The following RNF115 variants were observed in gnomAD, a reference collection of about 807,000 sequenced individuals.
The protein encoded by RNF115 is E3 ubiquitin-protein ligase RNF115.
A neutral mutation model predicts 39.2 loss-of-function variants in RNF115; 31 were observed. That is an observed-to-expected ratio of 0.79 (90% confidence interval 0.59 to 1.07). The LOEUF is 1.07. Among genes scored for constraint, RNF115 ranks in the 50% least tolerant of loss-of-function variants. The pLI is 0.00. For missense variants in RNF115, 384 were observed against 381.7 expected, an observed-to-expected ratio of 1.01 and a Z score of -0.05; for synonymous variants, 124 against 131.0, an observed-to-expected ratio of 0.95 and a Z score of 0.37.
chr1:145,801,791 CT>C (rs753923200), intron 1 of RNF115, among the ~76,000 whole-genome samples: 2 of 151,086 alleles, frequency 1.3e-5, no homozygotes, highest in Non-Finnish European at 3.0e-5. Context: ...TCATTTCTCT[CT>C]TTTTTTTTAA....
At chr1:145,751,937 T>C (rs1658103816) in intron 5 of RNF115, among the ~76,000 whole-genome samples, 1 of 152,120 alleles carries the variant, frequency 6.6e-6, no homozygotes. Context: ...TTCTGGACAA[T>C]GAGGAGCTTT....
intron 1 of RNF115, among the ~76,000 whole-genome samples, chr1:145,800,891 C>T (rs868939692): frequency 6.6e-5 from 10 of 152,110 alleles, no homozygotes; most frequent in South Asian, 4.1e-4. Flanking sequence ...AGCTTTAGGA[C>T]GGGCGCAGTG....
intron 4 of RNF115, among the ~76,000 whole-genome samples, chr1:145,763,475 A>T (rs1658611417): frequency 6.6e-6 from 1 of 152,250 alleles, no homozygotes; most frequent in Non-Finnish European, 1.5e-5. Flanking sequence ...AAGCAGGCAG[A>T]TCACTTGAGA....
intron 4 of RNF115, among the ~76,000 whole-genome samples, chr1:145,762,913 G>A (rs1658588899): frequency 6.6e-6 from 1 of 152,074 alleles, no homozygotes; most frequent in African/African-American, 2.4e-5. Context: ...ACAGAAAACA[G>A]AAATACCACA....
rs1648432561 is a variant in RNF115, at chr1:145,787,397, C to A, written c.161+1511G>T. On this transcript the variant is annotated intron_variant, in intron 2 of 8. Coordinates refer to ENST00000582693, the MANE Select transcript of RNF115 (RefSeq NM_014455.4). ...GACCAGCCTGGCAAACACGGTGAAACCCCATCTCTACTAAGAATACAAAAA... is the reference window on the plus strand; with the variant it reads ...GACCAGCCTGGCAAACACGGTGAAAACCCATCTCTACTAAGAATACAAAAA... Among the ~76,000 whole-genome samples the A allele has an allele frequency of 2.0e-5, 3 of 151,644 alleles. No individual in the cohort carries two copies. In the South Asian group the frequency reaches 6.2e-4, roughly 32 times the overall value.
intron 1 of RNF115, among the ~76,000 whole-genome samples, chr1:145,796,784 C>T: frequency 6.6e-6 from 1 of 152,298 alleles, no homozygotes; most frequent in Middle Eastern, 3.4e-3. Flanking sequence ...AAAACTGAAA[C>T]TCTATACCCA....
In RNF115 at chr1:145,742,849, T is replaced by C. The variant is rs1158975470; in HGVS notation, c.*4017A>G. On this transcript the variant is annotated 3_prime_UTR_variant, in exon 9 of 9. Transcript: ENST00000582693. ...ACTTGAGAACCAATTCCTGGACCAA[T>C]TCCTGCTCAAAGAAAACATTTAAGA... 2 of 152,180 alleles carry C rather than the reference T, an allele frequency of 1.3e-5. No homozygotes were observed. Among genetic ancestry groups the C allele is most frequent in the African/African-American group, 4.8e-5 (2 of 41,444 alleles). The allele number at this position is 152,180 out of a possible 1,614,324, so 9.4% of individuals were successfully genotyped here.
intron 2 of RNF115, among the ~76,000 whole-genome samples, chr1:145,784,865 C>G (rs1343988372): frequency 2.0e-5 from 3 of 152,136 alleles, no homozygotes; most frequent in Non-Finnish European, 4.4e-5. Context: ...GACCCACAGG[C>G]AGCAATGCAA....
At chr1:145,773,619 G>A (rs1456659577) in intron 3 of RNF115, 2 of 152,132 alleles carry the variant, frequency 1.3e-5, no homozygotes, top group African/African-American at 4.8e-5. Context: ...ACAAGCCAGA[G>A]GTGAAAGCTA....
intron 1 of RNF115, among the ~76,000 whole-genome samples, chr1:145,791,782 C>T (rs1414290916): frequency 1.3e-5 from 2 of 152,176 alleles, no homozygotes; most frequent in East Asian, 1.9e-4. Flanking sequence ...ACTTTAGAGA[C>T]TGCCTTATAA....
At chr1:145,764,127 G>T (rs1658647226) in intron 4 of RNF115, among the ~76,000 whole-genome samples, 1 of 152,202 alleles carries the variant, frequency 6.6e-6, no homozygotes, top group Admixed American at 6.5e-5. Flanking sequence ...TGTTGGCCGG[G>T]CTGGTCTCCA....
At position 145,745,341 on chromosome 1, in the gene RNF115, T is replaced by A. The variant is rs1464099820; in HGVS notation, c.*1525A>T. On this transcript the variant is annotated 3_prime_UTR_variant, in exon 9 of 9. Coordinates refer to ENST00000582693, the MANE Select transcript of RNF115 (RefSeq NM_014455.4). ...CACGCCTGTAGTCCCAGCCACTTGG[T>A]AGGCTGAGGTGGGAGGATCACTTGA... 6.6e-6 allele frequency: 1 copy of A among 152,024 alleles called. No homozygotes were observed. The highest frequency in any genetic ancestry group is 1.5e-5 in the Non-Finnish European group (1 of 68,130). 9.4% of individuals were successfully genotyped at this position (152,024 alleles called of 1,614,324 possible).
At chr1:145,790,097 G>A (rs12405132) in intron 1 of RNF115, among the ~76,000 whole-genome samples, 44,230 of 152,090 alleles carry the variant, frequency 0.29, 7,305 homozygotes, top group Non-Finnish European at 0.37. Context: ...ACTGACAGCT[G>A]AAAGGTAGAG....
At position 145,814,131 on chromosome 1, in the gene RNF115, G is replaced by A. The variant is rs58927788; in HGVS notation, c.102+9641C>T. Among the ~76,000 whole-genome samples the A allele has an allele frequency of 4.0e-5, 6 of 150,186 alleles. No individual in the cohort carries two copies. In the South Asian group the frequency reaches 6.5e-4, roughly 16 times the overall value. On this transcript the variant is annotated intron_variant, in intron 1 of 8. Coordinates refer to ENST00000582693, the MANE Select transcript of RNF115 (RefSeq NM_014455.4). Reference sequence around the variant, plus strand: ...TCTACAAAAAATTAAAAAATTAGCCGGGTGTGGTGGTACAGCTAGTTGGGA... The same window carrying A: ...TCTACAAAAAATTAAAAAATTAGCCAGGTGTGGTGGTACAGCTAGTTGGGA...
intron 4 of RNF115, among the ~76,000 whole-genome samples, chr1:145,758,833 A>G (rs1399833892): frequency 2.0e-5 from 3 of 152,222 alleles, no homozygotes; most frequent in African/African-American, 7.2e-5. Flanking sequence ...GGTGGCCCCA[A>G]TGCATAAGAG....
chr1:145,754,630 C>A (rs925029368), intron 4 of RNF115, among the ~76,000 whole-genome samples: 2 of 152,200 alleles, frequency 1.3e-5, no homozygotes, highest in South Asian at 4.1e-4. Context: ...AGCCACCCCA[C>A]CTGGCTGAAA....
intron 1 of RNF115, among the ~76,000 whole-genome samples, chr1:145,800,506 C>T (rs1006514507): frequency 2.6e-5 from 4 of 152,140 alleles, no homozygotes; most frequent in African/African-American, 7.2e-5. Flanking sequence ...AGATACAATA[C>T]TATGCCAGTT....
chr1:145,767,563 G>A (rs1316996755), intron 4 of RNF115, among the ~76,000 whole-genome samples: 1 of 152,244 alleles, frequency 6.6e-6, no homozygotes, highest in Non-Finnish European at 1.5e-5. Flanking sequence ...TCACTTCCCA[G>A]AAGGGGTGGT....
chr1:145,777,841 A>G (rs959674301), intron 3 of RNF115, among the ~76,000 whole-genome samples: 2 of 152,198 alleles, frequency 1.3e-5, no homozygotes, highest in Non-Finnish European at 2.9e-5. Context: ...TTCAAAATAA[A>G]AAACAGGATG....
Sources: allele counts gnomAD v4.1 joint callset (sites outside exome capture counted in the v4.1 genomes callset), GRCh38; gene constraint gnomAD v4.1.1; transcripts MANE v1.5; gene names NCBI Gene and HGNC (gene_info 2026-07-23, HGNC 2026-07-21).